The following DBH variants were observed in gnomAD, a reference collection of about 807,000 sequenced individuals.
DBH encodes dopamine beta-hydroxylase.
A neutral mutation model predicts 64.0 loss-of-function variants in DBH; 49 were observed. The ratio of observed to expected loss-of-function variants is 0.77; its 90% confidence interval spans 0.61 to 0.97. The LOEUF (loss-of-function observed/expected upper bound fraction) is 0.97. Ranked by LOEUF, DBH falls within the 50% of genes least tolerant of loss-of-function variation. The pLI is 0.00. For synonymous variants in DBH, 343 were observed against 347.1 expected, an observed-to-expected ratio of 0.99 and a Z score of 0.13; for missense variants, 828 against 826.6, an observed-to-expected ratio of 1.00 and a Z score of -0.02.
chr9:133,641,532 A>G (rs1460670208), intron 2 of DBH, among the ~76,000 whole-genome samples: 3 of 152,226 alleles, frequency 2.0e-5, no homozygotes, highest in Non-Finnish European at 4.4e-5. Context: ...TTAGCCACCC[A>G]CACGGGTCTG....
intron 2 of DBH, among the ~76,000 whole-genome samples, chr9:133,640,330 C>T (rs564427230): frequency 2.6e-5 from 4 of 152,328 alleles, no homozygotes; most frequent in East Asian, 1.9e-4. Flanking sequence ...TCCTGTTAAC[C>T]ATCAGGTGGG....
At position 133,636,562 on chromosome 9, in the gene DBH, A is replaced by T. The variant is rs754101732; in HGVS notation, c.191A>T (p.Asn64Ile). The T allele has an allele frequency of 6.2e-7, 1 of 1,613,658 alleles. No individual in the cohort carries two copies. The highest frequency in any genetic ancestry group is 8.5e-7 in the Non-Finnish European group (1 of 1,180,010). The change falls in exon 1 of 12, where the codon AAT (asparagine) becomes ATT (isoleucine). Residue 64 changes from asparagine (N) to isoleucine (I), a missense_variant. Coordinates refer to ENST00000393056, the MANE Select transcript of DBH (RefSeq NM_000787.4). ...DPEGSLELSW[N>I]VSYTQEAIHF... is the part of the protein sequence containing the mutation. ...GAGGGGTCCCTGGAGCTCTCATGGA[A>T]TGTCAGCTACACCCAGGAGGCCATC...
At chr9:133,656,707 G>A (rs1487830922) in intron 10 of DBH, 57 bp downstream of exon 10, 2 of 1,601,012 alleles carry the variant, frequency 1.2e-6, no homozygotes, top group African/African-American at 1.3e-5. Context: ...CAGAACCTCG[G>A]GCCTGTTAGG....
intron 4 of DBH, among the ~76,000 whole-genome samples, chr9:133,644,012 C>G (rs1341366709): frequency 6.6e-6 from 1 of 152,192 alleles, no homozygotes; most frequent in Non-Finnish European, 1.5e-5. Flanking sequence ...ACCAGCTCCT[C>G]TCCCCAACTC....
chr9:133,657,398 C>G, intron 11 of DBH, 169 bp downstream of exon 11: 1 of 517,940 alleles, frequency 1.9e-6, no homozygotes, highest in Non-Finnish European at 3.3e-6. Context: ...AGCCAGCCAG[C>G]AGAGAGAGAG....
intron 7 of DBH, 91 bp from the exon 8 acceptor site, chr9:133,652,155 G>A: frequency 1.4e-6 from 2 of 1,462,710 alleles, no homozygotes; most frequent in Admixed American, 3.3e-5. Flanking sequence ...CAGAGGTCAG[G>A]GAGGCCTGAG....
chr9:133,651,859 A>C, intron 7 of DBH, 82 bp downstream of exon 7: 1 of 1,312,668 alleles, frequency 7.6e-7, no homozygotes, highest in Non-Finnish European at 1.0e-6. Flanking sequence ...TCCTGACACC[A>C]TAGGGATGGC....
Position 133,658,300 on chromosome 9 carries a change from G to A in DBH, c.1723-16G>A, listed in dbSNP as rs747655362. The A allele has an allele frequency of 1.2e-6, 2 of 1,613,678 alleles. No homozygotes were observed. Among genetic ancestry groups the A allele is most frequent in the South Asian group, 1.1e-5 (1 of 91,030 alleles). On this transcript the variant is annotated splice_polypyrimidine_tract_variant and intron_variant, in intron 11 of 11. Coordinates refer to ENST00000393056, the MANE Select transcript of DBH (RefSeq NM_000787.4). ...CCCCTCCAGCCTCAGTTTACCTCCTGCCCCCTTCCTTGCAGGGTGAATGGA... is the reference window on the plus strand; with the variant it reads ...CCCCTCCAGCCTCAGTTTACCTCCTACCCCCTTCCTTGCAGGGTGAATGGA...
At chr9:133,641,970 T>C (rs1832120712) in intron 2 of DBH, among the ~76,000 whole-genome samples, 1 of 152,128 alleles carries the variant, frequency 6.6e-6, no homozygotes, top group Admixed American at 6.5e-5. Context: ...GTAGGTGGAA[T>C]GTGTTTAGAA....
chr9:133,652,123 G>A, intron 7 of DBH, 123 bp from the exon 8 acceptor site: 1 of 1,121,684 alleles, frequency 8.9e-7, no homozygotes, highest in Non-Finnish European at 1.3e-6. Flanking sequence ...CACTGTAGAG[G>A]CTGGGGCAAA....
At chr9:133,653,536 A>AG (rs1428100999) in intron 9 of DBH, among the ~76,000 whole-genome samples, 2 of 151,866 alleles carry the variant, frequency 1.3e-5, no homozygotes, top group Non-Finnish European at 2.9e-5. Context: ...CCCAGGGGAG[A>AG]GGGGAGGAGG....
intron 1 of DBH, among the ~76,000 whole-genome samples, chr9:133,638,286 G>A (rs544826464): frequency 6.6e-6 from 1 of 152,302 alleles, no homozygotes; most frequent in East Asian, 1.9e-4. Flanking sequence ...TGAGTCTCTC[G>A]GCAAACCAGC....
chr9:133,652,164 A>AGG, intron 7 of DBH, 82 bp from the exon 8 acceptor site: 2 of 1,529,006 alleles, frequency 1.3e-6, no homozygotes, highest in Non-Finnish European at 1.8e-6. Flanking sequence ...GGGAGGCCTG[A>AGG]GGGAGGACAC....
At position 133,658,484 on chromosome 9, in the gene DBH, C is replaced by G; in HGVS notation, c.*37C>G. The G allele has an allele frequency of 1.3e-6, 2 of 1,576,910 alleles. No individual in the cohort carries two copies. Among genetic ancestry groups the G allele is most frequent in the Middle Eastern group, 1.9e-4 (1 of 5,252 alleles). ...CTCCTCCCCCTCCTCCATGCTGTCC[C>G]TGTGGGCTCACACCGGCACTGTGCA... On this transcript the variant is annotated 3_prime_UTR_variant, in exon 12 of 12. Coordinates refer to ENST00000393056, the MANE Select transcript of DBH (RefSeq NM_000787.4).
intron 1 of DBH, among the ~76,000 whole-genome samples, chr9:133,637,117 G>A (rs1047361559): frequency 5.3e-5 from 8 of 152,186 alleles, no homozygotes; most frequent in African/African-American, 1.4e-4. Flanking sequence ...CACTGATGTG[G>A]GCCAGGTGGT....
Position 133,651,725 on chromosome 9 carries a change from G to A in DBH, c.1283G>A (p.Gly428Asp), listed in dbSNP as rs775486097. The A allele has an allele frequency of 1.9e-6, 3 of 1,613,748 alleles. No individual in the cohort carries two copies. Among genetic ancestry groups the A allele is most frequent in the Middle Eastern group, 1.6e-4 (1 of 6,066 alleles). Reference protein sequence around the residue: ...RKVVTVLVRDGREWEIVNQDN... With the variant: ...RKVVTVLVRDDREWEIVNQDN... The stretch of plus-strand genomic sequence containing the variant: ...GTGGTCACAGTGCTGGTCCGGGACG[G>A]CCGGGAGTGGGAGATCGTGAACCAG... Residue 428 changes from glycine to aspartate, a missense_variant, in exon 7 of 12, where the codon GGC (glycine) becomes GAC (aspartate). By Grantham distance (94) the Gly-to-Asp change is moderately conservative. Coordinates refer to ENST00000393056, the MANE Select transcript of DBH (RefSeq NM_000787.4).
At chr9:133,648,055 C>T (rs757034528) in intron 6 of DBH, 43 bp downstream of exon 6, 36 of 1,582,312 alleles carry the variant, frequency 2.3e-5, no homozygotes, top group Middle Eastern at 2.0e-4. Context: ...CCTCCTCCCG[C>T]GTCCCTCAGT....
intron 10 of DBH, 33 bp from the exon 11 acceptor site, chr9:133,657,037 C>T (rs1482813852): frequency 6.2e-7 from 1 of 1,613,152 alleles, no homozygotes; most frequent in East Asian, 2.2e-5. Context: ...CCGTCAGCTG[C>T]TCCCCAGCCT....
chr9:133,648,749 G>A (rs1832212358), intron 6 of DBH, among the ~76,000 whole-genome samples: 1 of 152,258 alleles, frequency 6.6e-6, no homozygotes, highest in African/African-American at 2.4e-5. Context: ...GGTGAGTTCA[G>A]AGAGTGACTA....
Sources: allele counts gnomAD v4.1 joint callset (sites outside exome capture counted in the v4.1 genomes callset), GRCh38; gene constraint gnomAD v4.1.1; transcripts MANE v1.5; gene names NCBI Gene and HGNC (gene_info 2026-07-23, HGNC 2026-07-21).